Variants in DAAM2 observed in about 807,000 individuals in gnomAD.
DAAM2 encodes the protein dishevelled associated activator of morphogenesis 2.
DAAM2 carries 39 observed loss-of-function variants against 120.7 expected under a neutral mutation model. That is an observed-to-expected ratio of 0.32 (90% CI 0.25 to 0.42). DAAM2 has a LOEUF of 0.42. DAAM2 is among the 10% of genes least tolerant of loss of function. DAAM2 has a pLI of 1.00. For synonymous variants in DAAM2, 488 were observed against 524.9 expected, an observed-to-expected ratio of 0.93 and a Z score of 0.96; for missense variants, 1,283 against 1,401.7, an observed-to-expected ratio of 0.92 and a Z score of 1.35.
intron 3 of DAAM2, chr6:39,861,415 T>C: frequency 2.8e-6 from 1 of 350,896 alleles, no homozygotes; most frequent in Non-Finnish European, 5.6e-6. Flanking sequence ...ATCTTTAGTC[T>C]CCACTCTGTC....
At chr6:39,797,770 T>C (rs1198408795) in intron 1 of DAAM2, among the ~76,000 whole-genome samples, 3 of 152,222 alleles carry the variant, frequency 2.0e-5, no homozygotes, top group African/African-American at 7.2e-5. Flanking sequence ...ATTTAAGCCC[T>C]ATGAGGGTGC....
intron 1 of DAAM2, among the ~76,000 whole-genome samples, chr6:39,827,152 T>C (rs1762703242): frequency 6.6e-6 from 1 of 152,172 alleles, no homozygotes; most frequent in Non-Finnish European, 1.5e-5. Context: ...GACTGTTCTG[T>C]AGTGGGAGAG....
intron 1 of DAAM2, among the ~76,000 whole-genome samples, chr6:39,844,261 G>C (rs1298472500): frequency 6.6e-6 from 1 of 152,066 alleles, no homozygotes; most frequent in South Asian, 2.1e-4. Flanking sequence ...AGCTCAATGG[G>C]GATGCAGCTA....
chr6:39,884,118 A>C, intron 15 of DAAM2, 49 bp downstream of exon 15: 1 of 979,698 alleles, frequency 1.0e-6, no homozygotes, highest in Non-Finnish European at 1.6e-6. Flanking sequence ...TTGAATCCAA[A>C]CCTCAGCTTC....
intron 7 of DAAM2, among the ~76,000 whole-genome samples, chr6:39,869,737 C>G (rs1582705413): frequency 7.6e-6 from 1 of 131,968 alleles, no homozygotes; most frequent in African/African-American, 2.8e-5. Flanking sequence ...ACTTTCCCCT[C>G]TTTTCCGCCA....
chr6:39,832,670 T>C (rs1762958758), intron 1 of DAAM2, among the ~76,000 whole-genome samples: 1 of 152,116 alleles, frequency 6.6e-6, no homozygotes, highest in Non-Finnish European at 1.5e-5. Flanking sequence ...CAGCTCCCAG[T>C]GCCCCTCCCC....
chr6:39,798,543 G>A (rs1339031640), intron 1 of DAAM2, among the ~76,000 whole-genome samples: 1 of 152,188 alleles, frequency 6.6e-6, no homozygotes, highest in African/African-American at 2.4e-5. Context: ...GAGATAAATG[G>A]TGTCCTTTTA....
At chr6:39,835,389 G>A (rs562408700) in intron 1 of DAAM2, among the ~76,000 whole-genome samples, 8 of 152,366 alleles carry the variant, frequency 5.3e-5, no homozygotes, top group Admixed American at 6.5e-5. Context: ...TGTCTTACCA[G>A]TGGCTGGGAG....
intron 1 of DAAM2, among the ~76,000 whole-genome samples, chr6:39,829,611 CAA>C (rs1360051983): frequency 1.3e-5 from 2 of 152,208 alleles, no homozygotes; most frequent in Admixed American, 1.3e-4. Flanking sequence ...TGTGGGATAA[CAA>C]AAAAGCAACA....
intron 1 of DAAM2, among the ~76,000 whole-genome samples, chr6:39,840,156 G>A (rs1309298423): frequency 6.6e-6 from 1 of 152,184 alleles, no homozygotes; most frequent in Non-Finnish European, 1.5e-5. Flanking sequence ...GAGTCTGGGA[G>A]GTGGAGGTTG....
At chr6:39,798,213 G>A (rs9471168) in intron 1 of DAAM2, among the ~76,000 whole-genome samples, 1,679 of 152,342 alleles carry the variant, frequency 0.011, 35 homozygotes, top group African/African-American at 0.038. Context: ...ACCTATGTAT[G>A]ATTCCTGGAA....
chr6:39,805,058 T>G (rs1761970004), intron 1 of DAAM2, among the ~76,000 whole-genome samples: 1 of 152,184 alleles, frequency 6.6e-6, no homozygotes, highest in Non-Finnish European at 1.5e-5. Flanking sequence ...TCCAAGGCCC[T>G]AAGGATTTGA....
In DAAM2 at chr6:39,901,967, G is replaced by A. The variant is rs761275513; in HGVS notation, c.3137G>A (p.Ser1046Asn). The A allele has an allele frequency of 5.0e-6, 8 of 1,612,424 alleles. No homozygotes were observed. The Admixed American group carries it at 1.3e-4, about 27-fold the overall frequency. The change falls in exon 25 of 25, where the codon AGC becomes AAC. Residue 1046 changes from serine (S) to asparagine (N), a missense_variant. Ser to Asn is a conservative substitution (Grantham distance 46). Coordinates refer to ENST00000274867, the MANE Select transcript of DAAM2 (RefSeq NM_001201427.2). The surrounding 1 kb of genome is among the most constrained non-coding windows in gnomAD (Gnocchi z 4.5). ...AAGGACTTATGCAAGCTCAAGCGCA[G>A]CCGCAAGCGATCAGGGAGCCAGGCC... Reference protein sequence around the residue: ...FDKDLCKLKRSRKRSGSQALE... With the variant: ...FDKDLCKLKRNRKRSGSQALE...
chr6:39,887,425 C>A lies in DAAM2; in HGVS notation c.1954-61C>A, dbSNP rs201020618. ...TTGGTAGGAGGTGGCTCTTGCGGGG[C>A]GGGTAAGAGGAGGATTAGGGAACCC... On this transcript the variant is annotated intron_variant, in intron 15 of 24. Coordinates refer to ENST00000274867, the MANE Select transcript of DAAM2 (RefSeq NM_001201427.2). The A allele has an allele frequency of 5.6e-5, 68 of 1,208,630 alleles. No homozygotes were observed. The Middle Eastern group carries it at 1.1e-3, about 20-fold the overall frequency. 74.9% of individuals were successfully genotyped at this position (1,208,630 alleles called of 1,614,324 possible). A position where few individuals can be genotyped will look rare whatever the true frequency, so the allele number is the denominator to read the frequency against.
intron 21 of DAAM2, among the ~76,000 whole-genome samples, chr6:39,898,374 C>A (rs575922746): frequency 6.6e-6 from 1 of 152,088 alleles, no homozygotes; most frequent in Non-Finnish European, 1.5e-5. Flanking sequence ...GGGGCCATGC[C>A]CTACAATGGA....
chr6:39,800,927 C>T (rs867459245), intron 1 of DAAM2, among the ~76,000 whole-genome samples: 2 of 152,182 alleles, frequency 1.3e-5, no homozygotes, highest in African/African-American at 4.8e-5. Context: ...GCCCACTGTA[C>T]TCCATCCCAG....
chr6:39,896,701 G>A, intron 19 of DAAM2, 111 bp from the exon 20 acceptor site: 3 of 887,018 alleles, frequency 3.4e-6, no homozygotes, highest in Non-Finnish European at 3.2e-6. Flanking sequence ...AGAGTTGAAG[G>A]CATTTGACAG....
chr6:39,895,180 TA>T (rs1168139675), intron 19 of DAAM2, among the ~76,000 whole-genome samples: 1 of 152,074 alleles, frequency 6.6e-6, no homozygotes, highest in African/African-American at 2.4e-5. Context: ...ATGTTCAACT[TA>T]AAAGCTACTG....
rs367982583 is a variant in DAAM2 at position 39,878,516 on chromosome 6, C to T, written c.1473C>T (p.Ala491=). 3 of 1,610,320 alleles carry T rather than the reference C, an allele frequency of 1.9e-6. No homozygotes were observed. The highest frequency in any genetic ancestry group is 1.3e-5 in the African/African-American group (1 of 74,800). ...TGAACAAAATGAAGGACAAGCTGGC[C>T]CGGGAGTCCCAGGAGCTGCGCCAGG... The part of the protein sequence containing the change: ...RTLNKMKDKL[A]RESQELRQAR... Residue 491 remains alanine, a synonymous_variant, in exon 13 of 25, where the codon GCC becomes GCT. Transcript: ENST00000274867. The surrounding 1 kb of genome is among the most constrained non-coding windows in gnomAD (Gnocchi z 5.0).
Sources: allele counts gnomAD v4.1 joint callset (sites outside exome capture counted in the v4.1 genomes callset), GRCh38; gene constraint gnomAD v4.1.1; non-coding constraint Gnocchi (gnomAD v3.1); transcripts MANE v1.5; gene names NCBI Gene and HGNC (gene_info 2026-07-23, HGNC 2026-07-21).